Variants in RUNDC3B observed in about 807,000 individuals in gnomAD.
RUNDC3B encodes RUN domain-containing protein 3B.
Under a neutral mutation model 58.4 loss-of-function variants are expected in RUNDC3B, and 33 were observed. That is an observed-to-expected ratio of 0.56 (90% CI 0.43 to 0.75). The LOEUF (loss-of-function observed/expected upper bound fraction) is 0.75, where lower values mean the gene tolerates loss of function less well. RUNDC3B is among the 30% of genes least tolerant of loss of function. RUNDC3B has a pLI of 0.00. For missense variants in RUNDC3B, 501 were observed against 535.7 expected (o/e 0.94, Z 0.64); for synonymous variants, 193 against 195.2 (o/e 0.99, Z 0.10).
chr7:87,750,649 A>G (rs1051661677), intron 6 of RUNDC3B, among the ~76,000 whole-genome samples: 4 of 151,202 alleles, frequency 2.6e-5, no homozygotes, highest in African/African-American at 9.7e-5. Context: ...GCATTTTTTC[A>G]TGTGTTTTTT....
Position 87,703,201 on chromosome 7 carries a change from T to C in RUNDC3B, c.372+2647T>C, listed in dbSNP as rs74994395. On this transcript the variant is annotated intron_variant, in intron 3 of 10. Transcript: ENST00000394654. The stretch of plus-strand genomic sequence containing the variant: ...ATAACCGAAAGTATAACAATTATCT[T>C]TCCAAATTATAATTTCCAAGTTTTT... Among the ~76,000 whole-genome samples, 708 of 152,314 alleles carry C rather than the reference T, an allele frequency of 4.6e-3. 2 individuals carry two copies. Among genetic ancestry groups the C allele is most frequent in the Admixed American group, 8.6e-3 (132 of 15,304 alleles).
At chr7:87,742,262 G>GT (rs1193353831) in intron 6 of RUNDC3B, among the ~76,000 whole-genome samples, 2 of 152,068 alleles carry the variant, frequency 1.3e-5, no homozygotes, top group Admixed American at 6.6e-5. Context: ...GATTACATGA[G>GT]TAAGTTCTTC....
chr7:87,677,400 A>G (rs895840713), intron 2 of RUNDC3B, among the ~76,000 whole-genome samples: 1 of 152,076 alleles, frequency 6.6e-6, no homozygotes, highest in Non-Finnish European at 1.5e-5. Context: ...TCAATAAACT[A>G]CATGAAATAT....
chr7:87,691,000 T>TA (rs1483080405), intron 2 of RUNDC3B, among the ~76,000 whole-genome samples: 2 of 152,124 alleles, frequency 1.3e-5, no homozygotes, highest in East Asian at 3.8e-4. Context: ...GCATAAGTGT[T>TA]AAAATTCATC....
At chr7:87,660,178 GGTCTATT>G (rs1429373471) in intron 2 of RUNDC3B, among the ~76,000 whole-genome samples, 129 of 152,042 alleles carry the variant, frequency 8.5e-4, no homozygotes, top group African/African-American at 2.9e-3. Context: ...TTGGAATCAT[GGTCTATT>G]AGGTAGCAGT....
intron 2 of RUNDC3B, among the ~76,000 whole-genome samples, chr7:87,653,639 T>C (rs1328233090): frequency 6.6e-6 from 1 of 152,108 alleles, no homozygotes; most frequent in African/African-American, 2.4e-5. Context: ...TATTGTGCTT[T>C]GGTCTTTTTT....
At position 87,807,364 on chromosome 7, in the gene RUNDC3B, T is replaced by C. The variant is rs776912148; in HGVS notation, c.957-9T>C. On this transcript the variant is annotated splice_polypyrimidine_tract_variant and intron_variant, in intron 8 of 10. Transcript: ENST00000394654. ...AAGACAAAAGCACTCACCATCTTAA[T>C]ATTCACAGGACTGTGCTAAAGAATA... 4 of 1,612,908 alleles carry C rather than the reference T, an allele frequency of 2.5e-6. No individual in the cohort carries two copies. The highest frequency in any genetic ancestry group is 3.4e-6 in the Non-Finnish European group (4 of 1,179,346).
chr7:87,795,417 ATTACAATGAGATATCATCTCACCCCAG>A (rs934136992), intron 8 of RUNDC3B, among the ~76,000 whole-genome samples: 2 of 152,236 alleles, frequency 1.3e-5, no homozygotes, highest in Non-Finnish European at 2.9e-5. Context: ...GCAGATCAAA[ATTACAATGAGATATCATCTCACCCCAG>A]TTAAAATGGC....
intron 8 of RUNDC3B, among the ~76,000 whole-genome samples, chr7:87,802,424 A>G (rs1342164339): frequency 3.3e-5 from 5 of 152,196 alleles, no homozygotes; most frequent in African/African-American, 2.4e-5. Context: ...AAAAATAATC[A>G]TATGAGTCTT....
chr7:87,667,908 TG>T (rs963810263), intron 2 of RUNDC3B, among the ~76,000 whole-genome samples: 2 of 152,148 alleles, frequency 1.3e-5, no homozygotes, highest in Non-Finnish European at 2.9e-5. Context: ...TGAGGATTTT[TG>T]TATTGATGTT....
At chr7:87,650,993 G>A (rs1049175420) in intron 2 of RUNDC3B, 56 bp downstream of exon 2, 6 of 955,760 alleles carry the variant, frequency 6.3e-6, no homozygotes, top group Non-Finnish European at 1.0e-5. Flanking sequence ...TAATAAGCTT[G>A]AAATTTTAGA....
At chr7:87,771,065 C>G (rs1834252480) in intron 7 of RUNDC3B, among the ~76,000 whole-genome samples, 1 of 152,106 alleles carries the variant, frequency 6.6e-6, no homozygotes, top group Admixed American at 6.5e-5. Flanking sequence ...GCAGTGATTG[C>G]CTAAGCACGT....
At chr7:87,719,835 A>C (rs1258075671) in intron 4 of RUNDC3B, among the ~76,000 whole-genome samples, 1 of 151,730 alleles carries the variant, frequency 6.6e-6, no homozygotes, top group Non-Finnish European at 1.5e-5. Flanking sequence ...AATTAAAATA[A>C]ATGTAGTATT....
intron 2 of RUNDC3B, among the ~76,000 whole-genome samples, chr7:87,686,515 A>G (rs1563133449): frequency 6.6e-6 from 1 of 152,232 alleles, no homozygotes; most frequent in Non-Finnish European, 1.5e-5. Flanking sequence ...CTGGTAGGCC[A>G]CATAGATTAA....
chr7:87,753,861 T>A (rs28624877), intron 6 of RUNDC3B, among the ~76,000 whole-genome samples: 7,439 of 152,208 alleles, frequency 0.049, 273 homozygotes, highest in East Asian at 0.092. Flanking sequence ...CCTTCTGAAA[T>A]GTAAGATCAT....
At chr7:87,738,061 G>A (rs943022265) in intron 4 of RUNDC3B, among the ~76,000 whole-genome samples, 1 of 151,976 alleles carries the variant, frequency 6.6e-6, no homozygotes, top group East Asian at 1.9e-4. Flanking sequence ...ACAATGGTAG[G>A]TTCAAGATGA....
At chr7:87,738,767 T>C (rs1832141260) in intron 4 of RUNDC3B, among the ~76,000 whole-genome samples, 1 of 151,968 alleles carries the variant, frequency 6.6e-6, no homozygotes. Flanking sequence ...TGGGTTTTTT[T>C]GCAAGTATCA....
intron 3 of RUNDC3B, among the ~76,000 whole-genome samples, chr7:87,704,411 T>A (rs192126783): frequency 5.9e-5 from 9 of 152,338 alleles, no homozygotes; most frequent in African/African-American, 2.2e-4. Context: ...CAGTGTATTC[T>A]AAACCCTTTC....
chr7:87,816,145 A>G lies in RUNDC3B; in HGVS notation c.1108A>G (p.Ser370Gly). The change falls in exon 10 of 11, where the codon AGT becomes GGT. Residue 370 changes from serine to glycine, a missense_variant. By Grantham distance (56) the Ser-to-Gly change is moderately conservative (BLOSUM62 0). Transcript: ENST00000394654. ...RKHNKQWYEK[S>G]YQSLDQLSAE... ...TATTTCATCCTTGCTTTACAGGAAA[A>G]GTTATCAAAGTCTTGACCAGTTATC... 6.2e-7 allele frequency: 1 copy of G among 1,600,958 alleles called. No individual in the cohort carries two copies. Among genetic ancestry groups the G allele is most frequent in the Non-Finnish European group, 8.5e-7 (1 of 1,171,356 alleles).
Sources: gnomAD v4.1 joint callset for allele counts (sites outside exome capture counted in the v4.1 genomes callset) on GRCh38, gnomAD v4.1.1 for gene constraint, MANE v1.5 for transcripts, NCBI Gene and HGNC (gene_info 2026-07-23, HGNC 2026-07-21) for gene names.